The following ESRRB variants were observed in gnomAD, a reference collection of about 807,000 sequenced individuals.
ESRRB encodes the protein estrogen related receptor beta.
A neutral mutation model predicts 46.0 loss-of-function variants in ESRRB; 16 were observed. The ratio of observed to expected loss-of-function variants is 0.35; its 90% CI spans 0.24 to 0.53. The LOEUF (loss-of-function observed/expected upper bound fraction) is 0.53, where lower values mean the gene tolerates loss of function less well. Among genes scored for constraint, ESRRB ranks in the 20% least tolerant of loss-of-function variants. ESRRB has a pLI of 0.93. For missense variants in ESRRB, 488 were observed against 607.4 expected (o/e 0.80, Z 2.07); for synonymous variants, 246 against 259.6 (o/e 0.95, Z 0.50).
chr14:76,315,550 G>A (rs1034578299), intron 1 of ESRRB, among the ~76,000 whole-genome samples: 8 of 152,180 alleles, frequency 5.3e-5, no homozygotes, highest in Non-Finnish European at 1.2e-4. Context: ...ATAACAATAG[G>A]ATCAACCTCA....
At position 76,362,251 on chromosome 14, in the gene ESRRB, C is replaced by T. The variant is rs114242462; in HGVS notation, c.2+51335C>T. On this transcript the variant is annotated intron_variant, in intron 1 of 6. Transcript: ENST00000512784. ...CAAGCCATTTTAGAGACTGTGGAAA[C>T]ATGGGCAGCGAGGTCACAGATTGTC... Among the ~76,000 whole-genome samples the T allele has an allele frequency of 6.7e-3, 1,015 of 152,320 alleles. 14 individuals carry two copies. Among genetic ancestry groups the T allele is most frequent in the African/African-American group, 0.023 (972 of 41,576 alleles).
intron 3 of ESRRB, among the ~76,000 whole-genome samples, chr14:76,474,919 A>G (rs1234377567): frequency 6.7e-6 from 1 of 150,284 alleles, no homozygotes; most frequent in African/African-American, 2.5e-5. Flanking sequence ...GAGATCCCCC[A>G]TCTACCAAAA....
At chr14:76,487,706 C>T (rs985178476) in intron 5 of ESRRB, among the ~76,000 whole-genome samples, 4 of 152,066 alleles carry the variant, frequency 2.6e-5, no homozygotes, top group Admixed American at 6.6e-5. Flanking sequence ...TGGGTTCAAG[C>T]GATCCTCCTG....
At chr14:76,462,698 C>A in intron 3 of ESRRB, 37 bp downstream of exon 3, 1 of 1,491,684 alleles carries the variant, frequency 6.7e-7, no homozygotes, top group Non-Finnish European at 9.4e-7. Flanking sequence ...CACTGTGAGG[C>A]TCTGCTTGCT....
chr14:76,467,126 A>C (rs1055767547), intron 3 of ESRRB, among the ~76,000 whole-genome samples: 3 of 152,328 alleles, frequency 2.0e-5, no homozygotes, highest in Admixed American at 2.0e-4. Context: ...GACCTGGGAC[A>C]GATGGGACAG....
intron 1 of ESRRB, among the ~76,000 whole-genome samples, chr14:76,352,048 T>C (rs967624514): frequency 6.7e-6 from 1 of 149,916 alleles, no homozygotes; most frequent in Non-Finnish European, 1.5e-5. Flanking sequence ...TTTTTAAGTG[T>C]CCTGTTCGCT....
Position 76,482,462 on chromosome 14 carries a change from G to A in ESRRB, c.689-136G>A. 1.2e-6 allele frequency: 1 copy of A among 819,696 alleles called. No individual in the cohort carries two copies. Among genetic ancestry groups the A allele is most frequent in the Non-Finnish European group, 2.0e-6 (1 of 499,660 alleles). The allele number at this position is 819,696 out of a possible 1,614,324, so 50.8% of individuals were successfully genotyped here. On this transcript the variant is annotated intron_variant, in intron 4 of 6. Transcript: ENST00000644823. The surrounding 1 kb of genome is among the most constrained non-coding windows in gnomAD (Gnocchi z 4.3). ...CCAGCAACTTCATGGAGCCAGAACA[G>A]GAGGGGAGATTATAGCCGCTTTGAC...
rs867551737 is a variant in ESRRB, at chr14:76,479,147, C to T, written c.578-2869C>T. 5.3e-5 allele frequency among the ~76,000 whole-genome samples: 8 copies of T among 152,314 alleles called. No homozygotes were observed. In the South Asian group the frequency reaches 1.7e-3, roughly 32 times the overall value. On this transcript the variant is annotated intron_variant, in intron 3 of 6. Coordinates refer to ENST00000644823, the MANE Select transcript of ESRRB (RefSeq NM_001379180.1). ...CCTCAAATGATGGTGATGATGCTGGCCTGCAGACCACACTTGAGGAGGAAG... is the reference window on the plus strand; with the variant it reads ...CCTCAAATGATGGTGATGATGCTGGTCTGCAGACCACACTTGAGGAGGAAG...
At chr14:76,414,261 G>A (rs1436312632) in intron 1 of ESRRB, among the ~76,000 whole-genome samples, 3 of 131,370 alleles carry the variant, frequency 2.3e-5, no homozygotes, top group Admixed American at 8.3e-5. Flanking sequence ...TAGACCACAG[G>A]GGTTCAAATA....
rs1027972915 is a variant in ESRRB at position 76,408,987 on chromosome 14, G to A, written c.51-30354G>A. On this transcript the variant is annotated intron_variant, in intron 1 of 6. Coordinates refer to ENST00000644823, the MANE Select transcript of ESRRB (RefSeq NM_001379180.1). ...ATTGCACAGCCTGAGGCCCAGAGAG[G>A]CTGAGCTTAAGGCCATGCAGGTAGT... 4.6e-5 allele frequency among the ~76,000 whole-genome samples: 7 copies of A among 152,272 alleles called. No individual in the cohort carries two copies. The East Asian group carries it at 1.2e-3, about 25-fold the overall frequency.
At chr14:76,426,204 G>A (rs1231201594) in intron 1 of ESRRB, among the ~76,000 whole-genome samples, 6 of 152,174 alleles carry the variant, frequency 3.9e-5, no homozygotes, top group South Asian at 2.1e-4. Flanking sequence ...GGGTCTTGGA[G>A]CCCCCTGGCC....
In ESRRB at chr14:76,498,366, G is replaced by A. The variant is rs1166604553; in HGVS notation, c.1273G>A (p.Ala425Thr). Residue 425 changes from alanine to threonine, a missense_variant, in exon 7 of 7, where the codon GCC becomes ACC. Coordinates refer to ENST00000644823, the MANE Select transcript of ESRRB (RefSeq NM_001379180.1). ...ACTGCCGCTGCTGCGGCAGACGGCC[G>A]CCAAGGCCGTGCAGCACTTCTATAG... ...LTLPLLRQTA[A>T]KAVQHFYSVK... 8.7e-6 allele frequency: 14 copies of A among 1,612,682 alleles called. No homozygotes were observed. Among genetic ancestry groups the A allele is most frequent in the South Asian group, 2.2e-5 (2 of 91,042 alleles).
intron 1 of ESRRB, among the ~76,000 whole-genome samples, chr14:76,397,572 G>C (rs577797261): frequency 6.1e-4 from 93 of 152,226 alleles, no homozygotes; most frequent in Non-Finnish European, 1.2e-3. Context: ...TTCCAAAATA[G>C]ATTTATTGGA....
intron 1 of ESRRB, among the ~76,000 whole-genome samples, chr14:76,329,054 G>T (rs907007653): frequency 3.3e-5 from 5 of 152,080 alleles, no homozygotes; most frequent in Admixed American, 2.0e-4. Context: ...GGAGTGGGAG[G>T]GTAAGAGAAG....
At chr14:76,382,318 G>T (rs1216832474) in intron 1 of ESRRB, among the ~76,000 whole-genome samples, 2 of 152,350 alleles carry the variant, frequency 1.3e-5, no homozygotes, top group South Asian at 2.1e-4. Flanking sequence ...CGTGCCTTGG[G>T]ATTGGTTCGT....
At chr14:76,420,716 A>C (rs778601626) in intron 1 of ESRRB, among the ~76,000 whole-genome samples, 1 of 152,104 alleles carries the variant, frequency 6.6e-6, no homozygotes, top group Non-Finnish European at 1.5e-5. Context: ...TTCAACCAAA[A>C]CACACAGAGG....
chr14:76,373,966 G>A (rs891810950), upstream of ESRRB, among the ~76,000 whole-genome samples: 1 of 152,156 alleles, frequency 6.6e-6, no homozygotes, highest in Admixed American at 6.5e-5. Context: ...AGACCATGAA[G>A]AGGACCTTAT....
chr14:76,341,196 C>T (rs1330263654), intron 1 of ESRRB, among the ~76,000 whole-genome samples: 3 of 152,322 alleles, frequency 2.0e-5, no homozygotes, highest in South Asian at 2.1e-4. Context: ...TAGGTCCTGG[C>T]GTTTCTCAGA....
At chr14:76,323,308 T>C (rs543189713) in intron 1 of ESRRB, among the ~76,000 whole-genome samples, 1,384 of 93,866 alleles carry the variant, frequency 0.015, 12 homozygotes, top group Middle Eastern at 0.026. Context: ...CTCTTTCTCT[T>C]TTTTTTTTTT....
Sources: allele counts gnomAD v4.1 joint callset (sites outside exome capture counted in the v4.1 genomes callset), GRCh38; gene constraint gnomAD v4.1.1; non-coding constraint Gnocchi (gnomAD v3.1); transcripts MANE v1.5; gene names NCBI Gene and HGNC (gene_info 2026-07-23, HGNC 2026-07-21).